SPATA6L: variants seen among roughly 807,000 people sequenced by gnomAD.
The protein encoded by SPATA6L is spermatogenesis associated 6 like.
SPATA6L carries 68 observed loss-of-function variants against 49.2 expected under a neutral mutation model. The observed-to-expected ratio is 1.38, with a 90% CI of 1.14 to 1.69. The LOEUF (loss-of-function observed/expected upper bound fraction) is 1.69. Among genes scored for constraint, SPATA6L ranks in the 40% most tolerant of loss-of-function variants. SPATA6L has a pLI of 0.00. For missense variants in SPATA6L, 668 were observed against 464.3 expected, an observed-to-expected ratio of 1.44 and a Z score of -4.03; for synonymous variants, 198 against 165.7, an observed-to-expected ratio of 1.19 and a Z score of -1.50.
chr9:4,662,943 C>T lies in SPATA6L; in HGVS notation c.40-907G>A, dbSNP rs770812814. On this transcript the variant is annotated intron_variant, in intron 1 of 11. Coordinates refer to ENST00000682582, the MANE Select transcript of SPATA6L (RefSeq NM_001353486.2). This position sits in a 1 kb window ranked among gnomAD's most constrained non-coding sequence, Gnocchi z 4.9. ...CTTGATCAAAGGGCTGGTCCGCAGGCGCCGCCCGGCCCACAACCAGATGGA... is the reference window on the plus strand; with the variant it reads ...CTTGATCAAAGGGCTGGTCCGCAGGTGCCGCCCGGCCCACAACCAGATGGA... The T allele has an allele frequency of 1.2e-6, 2 of 1,611,604 alleles. No individual in the cohort carries two copies. The highest frequency in any genetic ancestry group is 1.7e-5 in the Admixed American group (1 of 59,966).
intron 8 of SPATA6L, 145 bp from the exon 9 acceptor site, chr9:4,618,255 T>C (rs1390989011): frequency 1.6e-6 from 1 of 616,062 alleles, no homozygotes; most frequent in African/African-American, 1.9e-5. Flanking sequence ...TAGAAGAGGA[T>C]CTGGAGAAGA....
chr9:4,620,334 T>C (rs1221550440), intron 7 of SPATA6L, among the ~76,000 whole-genome samples: 1 of 152,186 alleles, frequency 6.6e-6, no homozygotes, highest in Non-Finnish European at 1.5e-5. Flanking sequence ...AACTCCTTCC[T>C]ACCGGTTTTG....
rs574897138 is a variant in SPATA6L at position 4,645,626 on chromosome 9, T to C, written c.227-10227A>G. 7.9e-5 allele frequency among the ~76,000 whole-genome samples: 12 copies of C among 152,306 alleles called. No homozygotes were observed. In the South Asian group the frequency reaches 2.3e-3, roughly 29 times the overall value. On this transcript the variant is annotated intron_variant, in intron 3 of 11. Transcript: ENST00000682582. ...CCCATTCACAATGGTAGAGCCCTCA[T>C]TACCCAATCCATATAGAAGAATATT...
At chr9:4,612,117 G>C (rs756694174) in intron 9 of SPATA6L, among the ~76,000 whole-genome samples, 1 of 151,974 alleles carries the variant, frequency 6.6e-6, no homozygotes, top group African/African-American at 2.4e-5. Flanking sequence ...TGGGACTACA[G>C]GTATGCACCA....
chr9:4,615,155 C>G (rs1303686969), intron 9 of SPATA6L, among the ~76,000 whole-genome samples: 1 of 152,226 alleles, frequency 6.6e-6, no homozygotes, highest in South Asian at 2.1e-4. Flanking sequence ...AAAGCATCAC[C>G]TCCTCCATGA....
downstream of SPATA6L, chr9:4,596,594 T>C (rs980365371): frequency 1.3e-5 from 2 of 152,160 alleles, no homozygotes; most frequent in Non-Finnish European, 2.9e-5. Flanking sequence ...TTCCTAAAAA[T>C]GCCGTTTACA....
At chr9:4,634,222 G>C (rs1238896717) in intron 4 of SPATA6L, among the ~76,000 whole-genome samples, 1 of 152,174 alleles carries the variant, frequency 6.6e-6, no homozygotes, top group Non-Finnish European at 1.5e-5. Flanking sequence ...ATTCTCATCA[G>C]TTTTTAACCC....
chr9:4,617,739 C>T (rs1215560272), intron 9 of SPATA6L, among the ~76,000 whole-genome samples, 184 bp downstream of exon 9: 1 of 152,130 alleles, frequency 6.6e-6, no homozygotes, highest in Non-Finnish European at 1.5e-5. Context: ...ATCCCATTTA[C>T]AGCAAATATT....
At chr9:4,648,686 C>T (rs1184831121) in intron 3 of SPATA6L, among the ~76,000 whole-genome samples, 4 of 83,410 alleles carry the variant, frequency 4.8e-5, no homozygotes, top group South Asian at 3.5e-4. Context: ...GGCGACAGAG[C>T]GAGACCCCGT....
chr9:4,648,099 T>G (rs1835847420), intron 3 of SPATA6L, among the ~76,000 whole-genome samples: 1 of 152,128 alleles, frequency 6.6e-6, no homozygotes, highest in Non-Finnish European at 1.5e-5. Flanking sequence ...CCTCCCAAAG[T>G]GTTGGGATTA....
rs72694072 is a variant in SPATA6L at position 4,643,312 on chromosome 9, C to A, written c.227-7913G>T. Among the ~76,000 whole-genome samples, 1,362 of 152,232 alleles carry A rather than the reference C, an allele frequency of 8.9e-3. 13 individuals are homozygous for A. Among genetic ancestry groups the A allele is most frequent in the Middle Eastern group, 0.044 (13 of 294 alleles). On this transcript the variant is annotated intron_variant, in intron 3 of 11. Coordinates refer to ENST00000682582, the MANE Select transcript of SPATA6L (RefSeq NM_001353486.2). The stretch of plus-strand genomic sequence containing the variant: ...TGAGCCATGACATACTTTGCAAACA[C>A]AACAAATCCAATTGACAGTATCCAG...
At chr9:4,625,722 CT>C (rs1184859661) in intron 5 of SPATA6L, 156 bp from the exon 6 acceptor site, 17 of 510,750 alleles carry the variant, frequency 3.3e-5, no homozygotes, top group Non-Finnish European at 5.4e-5. Context: ...GGACATTTCT[CT>C]AATTTTTTTC....
At chr9:4,592,048 C>T (rs1219738461) in intron 13 of SPATA6L, among the ~76,000 whole-genome samples, 1 of 152,176 alleles carries the variant, frequency 6.6e-6, no homozygotes, top group African/African-American at 2.4e-5. Flanking sequence ...AGCACAGTGG[C>T]TCACAGCTAT....
chr9:4,606,257 A>G (rs563146112), intron 9 of SPATA6L, among the ~76,000 whole-genome samples: 11 of 139,140 alleles, frequency 7.9e-5, no homozygotes, highest in South Asian at 4.6e-4. Flanking sequence ...TGCTGAGGTA[A>G]ACAAAGCAGC....
At chr9:4,638,543 C>T (rs906628140) in intron 3 of SPATA6L, among the ~76,000 whole-genome samples, 4 of 152,080 alleles carry the variant, frequency 2.6e-5, no homozygotes, top group South Asian at 2.1e-4. Context: ...CAATTATCTG[C>T]TTCATTTACT....
At chr9:4,629,268 G>A in intron 4 of SPATA6L, 100 bp from the exon 5 acceptor site, 1 of 727,602 alleles carries the variant, frequency 1.4e-6, no homozygotes, top group Admixed American at 2.7e-5. Flanking sequence ...CTGCTCTTCT[G>A]TGTGGCATAA....
intron 13 of SPATA6L, among the ~76,000 whole-genome samples, chr9:4,590,761 G>A (rs543068303): frequency 2.7e-4 from 41 of 152,098 alleles, no homozygotes; most frequent in Non-Finnish European, 4.6e-4. Flanking sequence ...AAAATGGAGG[G>A]AGGCAAATAA....
chr9:4,593,737 T>C (rs1474041758), downstream of SPATA6L, among the ~76,000 whole-genome samples: 3 of 152,204 alleles, frequency 2.0e-5, no homozygotes, highest in Non-Finnish European at 4.4e-5. Context: ...ATTAGCTTTA[T>C]ATTCCACTAA....
At chr9:4,608,620 AG>A (rs1227062002) in intron 9 of SPATA6L, among the ~76,000 whole-genome samples, 1 of 142,552 alleles carries the variant, frequency 7.0e-6, no homozygotes, top group African/African-American at 2.9e-5. Flanking sequence ...ACAACATACC[AG>A]AATCTCTGGG....
Sources: gnomAD v4.1 joint callset for allele counts (sites outside exome capture counted in the v4.1 genomes callset) on GRCh38, gnomAD v4.1.1 for gene constraint, Gnocchi (gnomAD v3.1) non-coding constraint, MANE v1.5 for transcripts, NCBI Gene and HGNC (gene_info 2026-07-23, HGNC 2026-07-21) for gene names.